The following NLGN1 variants were observed in gnomAD, a reference collection of about 807,000 sequenced individuals.
The protein encoded by NLGN1 is neuroligin-1.
A neutral mutation model predicts 65.5 loss-of-function variants in NLGN1; 12 were observed. That is an observed-to-expected ratio of 0.18 (90% CI 0.12 to 0.30). The LOEUF is 0.30. Among genes scored for constraint, NLGN1 ranks in the 10% least tolerant of loss-of-function variants. The pLI, the probability that NLGN1 is intolerant of heterozygous loss-of-function variation, is 1.00. For synonymous variants in NLGN1, 350 were observed against 359.5 expected, an observed-to-expected ratio of 0.97 and a Z score of 0.30; for missense variants, 750 against 1,007.1, an observed-to-expected ratio of 0.74 and a Z score of 3.46.
chr3:173,878,733 C>T (rs1235001952), intron 4 of NLGN1, among the ~76,000 whole-genome samples: 1 of 145,968 alleles, frequency 6.9e-6, no homozygotes, highest in Non-Finnish European at 1.5e-5. Flanking sequence ...TATATTTAAC[C>T]TACTGTGCTT....
At chr3:173,973,703 AT>A in intron 4 of NLGN1, among the ~76,000 whole-genome samples, 1 of 152,090 alleles carries the variant, frequency 6.6e-6, no homozygotes, top group East Asian at 1.9e-4. Context: ...AATTGATTAT[AT>A]TTTCATTTAC....
At chr3:174,125,105 T>C (rs972295025) in intron 4 of NLGN1, among the ~76,000 whole-genome samples, 3 of 151,982 alleles carry the variant, frequency 2.0e-5, no homozygotes, top group African/African-American at 7.2e-5. Context: ...AAGGTTGAGG[T>C]TTTTTATTTG....
intron 2 of NLGN1, among the ~76,000 whole-genome samples, chr3:173,572,813 G>A (rs1744860720): frequency 6.6e-6 from 1 of 152,182 alleles, no homozygotes; most frequent in South Asian, 2.1e-4. Flanking sequence ...TCTCACCAGA[G>A]CCCTCCTCTT....
At chr3:173,591,198 ATATTC>A (rs1748420646) in intron 2 of NLGN1, among the ~76,000 whole-genome samples, 1 of 152,144 alleles carries the variant, frequency 6.6e-6, no homozygotes, top group Non-Finnish European at 1.5e-5. Context: ...ATTCTTGTTA[ATATTC>A]TATTCTATTC....
At chr3:173,700,197 A>C (rs1318149454) in intron 3 of NLGN1, among the ~76,000 whole-genome samples, 1 of 152,240 alleles carries the variant, frequency 6.6e-6, no homozygotes, top group East Asian at 1.9e-4. Context: ...TACAAAAATT[A>C]TTGTAAATGC....
chr3:174,293,891 C>A, the NLGN1 span, among the ~76,000 whole-genome samples: 1 of 151,384 alleles, frequency 6.6e-6, no homozygotes, highest in African/African-American at 2.4e-5. Context: ...AACTACACAA[C>A]AAAATCAAAA....
chr3:173,611,785 A>C (rs1300437324), intron 3 of NLGN1, among the ~76,000 whole-genome samples: 2 of 152,072 alleles, frequency 1.3e-5, no homozygotes, highest in Non-Finnish European at 2.9e-5. Context: ...TAGTTGTCCA[A>C]TTCAATTTTT....
At chr3:173,716,874 C>T (rs1380489808) in intron 3 of NLGN1, among the ~76,000 whole-genome samples, 1 of 152,054 alleles carries the variant, frequency 6.6e-6, no homozygotes, top group African/African-American at 2.4e-5. Flanking sequence ...ATCGTAGCAA[C>T]TGAAACACGT....
chr3:173,470,565 T>TTTTC (rs1395021651), intron 2 of NLGN1, among the ~76,000 whole-genome samples: 1 of 152,020 alleles, frequency 6.6e-6, no homozygotes, highest in Non-Finnish European at 1.5e-5. Flanking sequence ...ATGTGAGCAA[T>TTTTC]TTTCTTCTCT....
chr3:173,852,415 A>G (rs1727160319), intron 4 of NLGN1, among the ~76,000 whole-genome samples: 1 of 151,576 alleles, frequency 6.6e-6, no homozygotes, highest in East Asian at 1.9e-4. Flanking sequence ...ATTGGAAAAT[A>G]AAAGCTGCCA....
At chr3:174,219,155 A>G (rs1160557033) in intron 4 of NLGN1, among the ~76,000 whole-genome samples, 1 of 152,102 alleles carries the variant, frequency 6.6e-6, no homozygotes, top group African/African-American at 2.4e-5. Context: ...AGCTAGTGCC[A>G]TAAGTATGTA....
At chr3:173,465,492 A>G (rs1724193953) in intron 2 of NLGN1, among the ~76,000 whole-genome samples, 1 of 152,216 alleles carries the variant, frequency 6.6e-6, no homozygotes, top group Non-Finnish European at 1.5e-5. Context: ...TGTCAGAAAA[A>G]TAATAAATTT....
chr3:173,814,259 A>G (rs990712229), intron 4 of NLGN1, among the ~76,000 whole-genome samples: 1 of 152,256 alleles, frequency 6.6e-6, no homozygotes, highest in Non-Finnish European at 1.5e-5. Context: ...GATTTCACTT[A>G]TAATAGGATA....
chr3:173,881,106 T>G (rs2150925788), intron 4 of NLGN1, among the ~76,000 whole-genome samples: 1 of 145,576 alleles, frequency 6.9e-6, no homozygotes, highest in African/African-American at 2.6e-5. Context: ...TTTTTTTTTT[T>G]TTTTTTTTGA....
intron 2 of NLGN1, among the ~76,000 whole-genome samples, chr3:173,518,848 T>C (rs1734288679): frequency 6.6e-6 from 1 of 152,118 alleles, no homozygotes; most frequent in Non-Finnish European, 1.5e-5. Flanking sequence ...TTCGCATAAC[T>C]AAAAGGAAGG....
intron 4 of NLGN1, among the ~76,000 whole-genome samples, chr3:173,985,945 A>T (rs1343960612): frequency 1.3e-5 from 2 of 152,116 alleles, no homozygotes; most frequent in African/African-American, 4.8e-5. Flanking sequence ...GAGAGACTCC[A>T]TCTCAAAAAC....
At chr3:173,942,109 G>GGT (rs1050946666) in intron 4 of NLGN1, among the ~76,000 whole-genome samples, 7,279 of 143,932 alleles carry the variant, frequency 0.051, 265 homozygotes, top group East Asian at 0.2. Flanking sequence ...GGTGGTTGGG[G>GGT]GTGTGTGTGT....
intron 4 of NLGN1, among the ~76,000 whole-genome samples, chr3:173,978,836 A>T (rs867397175): frequency 0.19 from 25,113 of 135,324 alleles, 2,289 homozygotes; most frequent in East Asian, 0.33. Context: ...TCTCTAATTA[A>T]AAAAAAAAAA....
intron 1 of NLGN1, among the ~76,000 whole-genome samples, chr3:173,414,273 T>C (rs1713215477): frequency 6.6e-6 from 1 of 152,038 alleles, no homozygotes; most frequent in Non-Finnish European, 1.5e-5. Flanking sequence ...AGGAGATATG[T>C]TATATAGTAC....
Sources: gnomAD v4.1 joint callset for allele counts (sites outside exome capture counted in the v4.1 genomes callset) on GRCh38, gnomAD v4.1.1 for gene constraint, MANE v1.5 for transcripts, NCBI Gene and HGNC (gene_info 2026-07-23, HGNC 2026-07-21) for gene names.